Variants in SPTBN1 observed in about 807,000 individuals in gnomAD.
SPTBN1 encodes spectrin beta, non-erythrocytic 1.
A neutral mutation model predicts 266.4 loss-of-function variants in SPTBN1; 32 were observed. The ratio of observed to expected loss-of-function variants is 0.12; its 90% CI spans 0.09 to 0.16. The LOEUF (loss-of-function observed/expected upper bound fraction) is 0.16. Ranked by LOEUF, SPTBN1 falls within the 10% of genes least tolerant of loss-of-function variation. The probability of loss-of-function intolerance (pLI) is 1.00; values close to 1 mark genes in which losing one functional copy is unlikely to be tolerated. For missense variants in SPTBN1, 2,296 were observed against 3,067.1 expected, an observed-to-expected ratio of 0.75 and a Z score of 5.94; for synonymous variants, 1,336 against 1,162.2, an observed-to-expected ratio of 1.15 and a Z score of -3.04.
At chr2:54,463,759 A>G (rs1022577320) in intron 1 of SPTBN1, among the ~76,000 whole-genome samples, 16 of 152,260 alleles carry the variant, frequency 1.1e-4, no homozygotes, top group Admixed American at 6.5e-5. Flanking sequence ...GGTATATTCT[A>G]GCAAATAACA....
intron 2 of SPTBN1, among the ~76,000 whole-genome samples, chr2:54,562,735 T>TGTGTGTGTGTGTGTGTG (rs1553447726): frequency 6.7e-6 from 1 of 149,766 alleles, no homozygotes; most frequent in Non-Finnish European, 1.5e-5. Context: ...TGTGTGTGTG[T>TGTGTGTGTGTGTGTGTG]TTTGTAGAGA....
intron 2 of SPTBN1, among the ~76,000 whole-genome samples, chr2:54,580,089 A>G (rs887571951): frequency 1.8e-4 from 27 of 152,372 alleles, no homozygotes; most frequent in African/African-American, 6.5e-4. Context: ...TGGCTCTGAC[A>G]GCCTCTGGCC....
At chr2:54,539,279 A>C (rs950515324) in intron 2 of SPTBN1, among the ~76,000 whole-genome samples, 7 of 152,196 alleles carry the variant, frequency 4.6e-5, no homozygotes, top group African/African-American at 1.7e-4. Context: ...CAGAGCTATT[A>C]ATTATCACTT....
At chr2:54,509,956 CT>C (rs5831312) in intron 1 of SPTBN1, among the ~76,000 whole-genome samples, 99,363 of 131,654 alleles carry the variant, frequency 0.75, 37,390 homozygotes, top group African/African-American at 0.85. Flanking sequence ...TGCTTTCTTT[CT>C]TTTTTTTTTT....
At chr2:54,666,905 C>A (rs1459057302) in intron 34 of SPTBN1, among the ~76,000 whole-genome samples, 1 of 152,160 alleles carries the variant, frequency 6.6e-6, no homozygotes, top group Non-Finnish European at 1.5e-5. Flanking sequence ...TCTTTGGGTC[C>A]TGGAACACTT....
At chr2:54,582,069 A>T (rs556720405) in intron 2 of SPTBN1, among the ~76,000 whole-genome samples, 1 of 152,204 alleles carries the variant, frequency 6.6e-6, no homozygotes, top group African/African-American at 2.4e-5. Context: ...AAGTCTGGTT[A>T]TGTGTAACTT....
chr2:54,623,564 C>A lies in SPTBN1; in HGVS notation c.1150C>A (p.Arg384=). The change falls in exon 10 of 36, where the codon CGG becomes AGG. Residue 384 remains arginine, a synonymous_variant. Coordinates refer to ENST00000356805, the MANE Select transcript of SPTBN1 (RefSeq NM_003128.3). ...CAACAACCAGAAGGTCTACATGCCC[C>A]GGGAGGGGAAGCTCATCTCTGACAT... The part of the protein sequence containing the change: ...RANNQKVYMP[R]EGKLISDINK... The A allele has an allele frequency of 6.2e-7, 1 of 1,614,048 alleles. No individual in the cohort carries two copies. Among genetic ancestry groups the A allele is most frequent in the Non-Finnish European group, 8.5e-7 (1 of 1,179,984 alleles).
intron 2 of SPTBN1, among the ~76,000 whole-genome samples, chr2:54,570,096 T>C (rs1304735348): frequency 6.6e-6 from 1 of 152,126 alleles, no homozygotes; most frequent in Non-Finnish European, 1.5e-5. Flanking sequence ...CAGCTATTGC[T>C]GCAGCCAGCG....
At position 54,645,426 on chromosome 2, in the gene SPTBN1, G is replaced by A; in HGVS notation, c.4467G>A (p.Gln1489=). 1 of 1,614,160 alleles carries A rather than the reference G, an allele frequency of 6.2e-7. No individual in the cohort carries two copies. Among genetic ancestry groups the A allele is most frequent in the East Asian group, 2.2e-5 (1 of 44,880 alleles). The change falls in exon 21 of 36, where the codon CAG becomes CAA. Residue 1489 remains glutamine (Q), a synonymous_variant. Transcript: ENST00000356805. The surrounding 1 kb of genome is among the most constrained non-coding windows in gnomAD (Gnocchi z 4.3). ...TGCTGGCCTCCAAAGAGATCCATCA[G>A]TTCAACAGGGATGTGGAGGACGAGA... ...HNLLASKEIH[Q]FNRDVEDEIL...
chr2:54,519,526 C>G (rs1245100889), intron 1 of SPTBN1, among the ~76,000 whole-genome samples: 1 of 152,094 alleles, frequency 6.6e-6, no homozygotes. Flanking sequence ...GGAACTGAGA[C>G]AAGAACATGA....
At chr2:54,521,657 G>C (rs902152457) in intron 1 of SPTBN1, among the ~76,000 whole-genome samples, 1 of 152,046 alleles carries the variant, frequency 6.6e-6, no homozygotes, top group Non-Finnish European at 1.5e-5. Flanking sequence ...GGGACTACGG[G>C]CACGTGCCAC....
At chr2:54,604,817 G>T (rs1676729978) in intron 3 of SPTBN1, among the ~76,000 whole-genome samples, 1 of 152,174 alleles carries the variant, frequency 6.6e-6, no homozygotes, top group African/African-American at 2.4e-5. Context: ...ACTGTAGTGT[G>T]AGGGGAAGGG....
chr2:54,471,554 A>G (rs991478595), intron 1 of SPTBN1, among the ~76,000 whole-genome samples: 1 of 151,688 alleles, frequency 6.6e-6, no homozygotes, highest in African/African-American at 2.4e-5. Flanking sequence ...GTAATGCAGC[A>G]ACATCTTACT....
intron 11 of SPTBN1, 48 bp from the exon 12 acceptor site, chr2:54,625,884 C>T (rs756080715): frequency 6.4e-7 from 1 of 1,571,682 alleles, no homozygotes; most frequent in Admixed American, 1.8e-5. Flanking sequence ...AGCTACTGTG[C>T]CCGGGTGGAT....
chr2:54,626,367 C>G lies in SPTBN1; in HGVS notation c.1644+133C>G. The G allele has an allele frequency of 8.9e-7, 1 of 1,129,378 alleles. No individual in the cohort carries two copies. The highest frequency in any genetic ancestry group is 1.2e-6 in the Non-Finnish European group (1 of 808,202). The allele number at this position is 1,129,378 out of a possible 1,614,324, so 70.0% of individuals were successfully genotyped here. A position where few individuals can be genotyped will look rare whatever the true frequency, so the allele number is the denominator to read the frequency against. On this transcript the variant is annotated intron_variant, in intron 12 of 35. Coordinates refer to ENST00000356805, the MANE Select transcript of SPTBN1 (RefSeq NM_003128.3). This position sits in a 1 kb window ranked among gnomAD's most constrained non-coding sequence, Gnocchi z 4.7. ...GCCCACATGTACAGCTAGAGAGGAGCCACATCACCCATGGGAAGATTGCTA... is the reference window on the plus strand; with the variant it reads ...GCCCACATGTACAGCTAGAGAGGAGGCACATCACCCATGGGAAGATTGCTA...
intron 1 of SPTBN1, among the ~76,000 whole-genome samples, chr2:54,504,246 T>C (rs1410973720): frequency 6.6e-6 from 1 of 152,264 alleles, no homozygotes; most frequent in Non-Finnish European, 1.5e-5. Flanking sequence ...AAGGCACAGC[T>C]GTTTTACATT....
rs766061615 is a variant in SPTBN1, at chr2:54,648,991, G to T, written c.5003G>T (p.Arg1668Leu). ...TTGCTCCTTTTCTTTTTCAGTGAGC[G>T]CATTAGCATGCGGCAGTCCAAAGTG... ...LVADSHPESE[R>L]ISMRQSKVDK... Residue 1668 changes from arginine (R) to leucine (L), a missense_variant, in exon 25 of 36, where the codon CGC becomes CTC. By Grantham distance (102) the Arg-to-Leu change is moderately radical. Coordinates refer to ENST00000356805, the MANE Select transcript of SPTBN1 (RefSeq NM_003128.3). 1 of 1,604,936 alleles carries T rather than the reference G, an allele frequency of 6.2e-7. No homozygotes were observed. Among genetic ancestry groups the T allele is most frequent in the Non-Finnish European group, 8.5e-7 (1 of 1,173,884 alleles).
intron 2 of SPTBN1, among the ~76,000 whole-genome samples, chr2:54,576,766 G>T (rs2104550255): frequency 6.6e-6 from 1 of 152,336 alleles, no homozygotes; most frequent in South Asian, 2.1e-4. Context: ...GCAGCTTACA[G>T]TGCTGAGCAC....
rs540974225 is a variant in SPTBN1, at chr2:54,458,135, A to G, written c.-48+1617A>G. 5.3e-5 allele frequency among the ~76,000 whole-genome samples: 8 copies of G among 152,374 alleles called. 1 individual carries two copies. In the South Asian group the frequency reaches 1.2e-3, roughly 24 times the overall value. On this transcript the variant is annotated intron_variant, in intron 1 of 35. Transcript: ENST00000356805. ...GGTGTTTATTAATTGGACCTTCACA[A>G]CTGTGACATTACAGTACCTCGTCTG...
Sources: allele counts gnomAD v4.1 joint callset (sites outside exome capture counted in the v4.1 genomes callset), GRCh38; gene constraint gnomAD v4.1.1; non-coding constraint Gnocchi (gnomAD v3.1); transcripts MANE v1.5; gene names NCBI Gene and HGNC (gene_info 2026-07-23, HGNC 2026-07-21).